Variants in SEMA3D observed in about 807,000 individuals in gnomAD.
SEMA3D encodes the protein semaphorin-3D.
SEMA3D carries 84 observed loss-of-function variants against 100.1 expected under a neutral mutation model. The ratio of observed to expected loss-of-function variants is 0.84; its 90% CI spans 0.70 to 1.01. The LOEUF (loss-of-function observed/expected upper bound fraction) is 1.01. SEMA3D is among the 50% of genes least tolerant of loss of function. The probability of loss-of-function intolerance (pLI) is 0.00; values close to 1 mark genes in which losing one functional copy is unlikely to be tolerated. For synonymous variants in SEMA3D, 312 were observed against 320.7 expected (o/e 0.97, Z 0.29); for missense variants, 875 against 934.1 (o/e 0.94, Z 0.82).
chr7:85,200,680 A>C, the SEMA3D span, among the ~76,000 whole-genome samples: 1 of 152,240 alleles, frequency 6.6e-6, no homozygotes, highest in Non-Finnish European at 1.5e-5. Flanking sequence ...AAATTTGCAT[A>C]AGTAACAAGG....
chr7:85,139,715 G>A (rs1353541178), intron 2 of SEMA3D, among the ~76,000 whole-genome samples: 1 of 151,886 alleles, frequency 6.6e-6, no homozygotes, highest in Non-Finnish European at 1.5e-5. Flanking sequence ...CTATGACATG[G>A]CATTGGTTGT....
the SEMA3D span, among the ~76,000 whole-genome samples, chr7:85,249,332 GA>G: frequency 2.0e-5 from 3 of 152,130 alleles, no homozygotes; most frequent in Non-Finnish European, 4.4e-5. Context: ...ACTGACACAG[GA>G]AAGAAGAGCC....
At chr7:85,042,089 T>A in intron 10 of SEMA3D, 82 bp downstream of exon 10, 1 of 983,962 alleles carries the variant, frequency 1.0e-6, no homozygotes, top group Admixed American at 1.8e-5. Flanking sequence ...AATCAGGCAT[T>A]TGGAGCCAAA....
At chr7:85,204,903 T>C in the SEMA3D span, among the ~76,000 whole-genome samples, 1 of 152,142 alleles carries the variant, frequency 6.6e-6, no homozygotes, top group Admixed American at 6.6e-5. Flanking sequence ...ATATTTCAAA[T>C]ATCCTAATAA....
chr7:85,011,050 C>CAA (rs1789938194), intron 17 of SEMA3D, among the ~76,000 whole-genome samples: 1 of 151,692 alleles, frequency 6.6e-6, no homozygotes, highest in East Asian at 1.9e-4. Context: ...GAAAACAAAA[C>CAA]AAAACAACAA....
At chr7:85,159,288 G>A (rs1465411895) in intron 1 of SEMA3D, among the ~76,000 whole-genome samples, 1 of 152,076 alleles carries the variant, frequency 6.6e-6, no homozygotes, top group Non-Finnish European at 1.5e-5. Flanking sequence ...GGGGTGATAA[G>A]GAATCTGGAT....
intron 4 of SEMA3D, among the ~76,000 whole-genome samples, chr7:85,090,173 C>A (rs1038413628): frequency 2.0e-5 from 3 of 152,124 alleles, no homozygotes; most frequent in Non-Finnish European, 2.9e-5. Flanking sequence ...GGCACAGAAT[C>A]TGGCATGGTG....
chr7:85,058,387 G>A (rs896001483), intron 8 of SEMA3D, among the ~76,000 whole-genome samples: 7 of 151,946 alleles, frequency 4.6e-5, no homozygotes, highest in South Asian at 2.1e-4. Context: ...TGATCACTGA[G>A]CAAAGTAAAA....
intron 8 of SEMA3D, among the ~76,000 whole-genome samples, chr7:85,064,759 G>A (rs1222609275): frequency 2.0e-5 from 3 of 152,000 alleles, no homozygotes; most frequent in Admixed American, 6.6e-5. Context: ...GGAGTTAGGT[G>A]CCTTGTAGTG....
rs145200330 is a variant in SEMA3D at position 85,103,243 on chromosome 7, G to A, written c.152-5278C>T. ...AATTTTAGAGCCTGTATCTTAACAC[G>A]TAAAGCTAAGACACTCAGTGGATTT... On this transcript the variant is annotated intron_variant, in intron 3 of 18. Transcript: ENST00000284136. Among the ~76,000 whole-genome samples the A allele has an allele frequency of 2.1e-3, 314 of 151,964 alleles. 3 individuals carry two copies. The highest frequency in any genetic ancestry group is 7.3e-3 in the African/African-American group (304 of 41,492).
intron 2 of SEMA3D, chr7:85,142,800 T>C: frequency 2.0e-6 from 2 of 985,074 alleles, no homozygotes; most frequent in East Asian, 2.3e-4. Context: ...AATAACCTTT[T>C]CTCTCTTCGG....
intron 2 of SEMA3D, among the ~76,000 whole-genome samples, chr7:85,132,984 A>G (rs1418050398): frequency 1.3e-5 from 2 of 151,980 alleles, no homozygotes; most frequent in East Asian, 1.9e-4. Flanking sequence ...TCCCCAGTGC[A>G]TACGCAATAT....
the SEMA3D span, among the ~76,000 whole-genome samples, chr7:85,216,357 T>TG: frequency 3.4e-5 from 5 of 146,152 alleles, no homozygotes; most frequent in African/African-American, 1.2e-4. Flanking sequence ...AATAAGAGTG[T>TG]TGTGTGTGTG....
chr7:85,246,070 A>G, the SEMA3D span, among the ~76,000 whole-genome samples: 4 of 152,122 alleles, frequency 2.6e-5, no homozygotes, highest in Non-Finnish European at 5.9e-5. Flanking sequence ...ATTTGTCTCC[A>G]TGACAATGTG....
the SEMA3D span, among the ~76,000 whole-genome samples, chr7:85,210,495 A>G: frequency 1.3e-5 from 2 of 152,220 alleles, no homozygotes; most frequent in Admixed American, 6.6e-5. Flanking sequence ...GAAAGGAACA[A>G]TGATGAAGGA....
intron 12 of SEMA3D, chr7:85,029,391 T>C (rs1790481590): frequency 3.9e-6 from 4 of 1,026,788 alleles, no homozygotes; most frequent in Middle Eastern, 3.1e-4. Flanking sequence ...TTGATCCCTA[T>C]GTGTTCAACA....
the SEMA3D span, among the ~76,000 whole-genome samples, chr7:85,235,499 T>C: frequency 2.6e-5 from 4 of 152,200 alleles, no homozygotes; most frequent in Non-Finnish European, 5.9e-5. Flanking sequence ...TTATTATTTC[T>C]CAGAGGGAAA....
At chr7:85,117,153 C>T (rs1045958807) in intron 3 of SEMA3D, among the ~76,000 whole-genome samples, 4 of 152,200 alleles carry the variant, frequency 2.6e-5, no homozygotes, top group Admixed American at 6.5e-5. Flanking sequence ...TTTAAATATA[C>T]GCACTTGAGG....
At position 85,176,836 on chromosome 7, in the gene SEMA3D, T is replaced by G. The variant is rs185932083; in HGVS notation, c.-173+9842A>C. 5.1e-4 allele frequency among the ~76,000 whole-genome samples: 78 copies of G among 152,096 alleles called. 1 individual carries two copies. The highest frequency in any genetic ancestry group is 1.8e-3 in the African/African-American group (74 of 41,520). On this transcript the variant is annotated intron_variant, in intron 1 of 18. Coordinates refer to ENST00000284136, the MANE Select transcript of SEMA3D (RefSeq NM_001384900.1). ...GAGAGAATTGACATTTAGAGATATA[T>G]CTGTACAATCATGTGATGTGTACAA...
Sources: gnomAD v4.1 joint callset for allele counts (sites outside exome capture counted in the v4.1 genomes callset) on GRCh38, gnomAD v4.1.1 for gene constraint, MANE v1.5 for transcripts, NCBI Gene and HGNC (gene_info 2026-07-23, HGNC 2026-07-21) for gene names.